The following ZNF44 variants were observed in gnomAD, a reference collection of about 807,000 sequenced individuals.
ZNF44 encodes the protein zinc finger protein 44, also known as gonadotropin inducible transcription repressor-2.
In ZNF44, 9 loss-of-function variants were observed where a neutral mutation model predicts 11.7. The observed-to-expected ratio is 0.77, with a 90% CI of 0.46 to 1.35. The LOEUF (loss-of-function observed/expected upper bound fraction) is 1.35, where lower values mean the gene tolerates loss of function less well. ZNF44 is among the 40% of genes most tolerant of loss of function. The pLI is 0.00. For synonymous variants in ZNF44, 224 were observed against 242.7 expected (o/e 0.92, Z 0.72); for missense variants, 696 against 743.1 (o/e 0.94, Z 0.74).
At position 12,263,617 on chromosome 19, in the gene ZNF44, C is replaced by CAAAAAACA. The variant is rs1273013220; in HGVS notation, c.1912+8862_1912+8869dup. Among the ~76,000 whole-genome samples, 30 of 151,734 alleles carry CAAAAAACA rather than the reference C, an allele frequency of 2.0e-4. No individual in the cohort carries two copies. The Middle Eastern group carries it at 0.01, about 52-fold the overall frequency. On this transcript the variant is annotated intron_variant and NMD_transcript_variant, in intron 5 of 7. Transcript: ENST00000393337. ...ATCAAAACCCTGTCTCTACAAAAAA[C>CAAAAAACA]AAAAAACAAAAAAACAAAAAAATTA...
chr19:12,233,416 C>G (rs1413335353), intron 2 of ZNF44, among the ~76,000 whole-genome samples: 1 of 152,034 alleles, frequency 6.6e-6, no homozygotes, highest in Non-Finnish European at 1.5e-5. Context: ...ATAGACTTCA[C>G]CAAAATAGTC....
downstream of ZNF44, among the ~76,000 whole-genome samples, chr19:12,268,556 G>A (rs1450870291): frequency 6.6e-6 from 1 of 152,006 alleles, no homozygotes; most frequent in Non-Finnish European, 1.5e-5. Flanking sequence ...TCAGAGCCAG[G>A]AGAAAATCTC....
Position 12,271,850 on chromosome 19 carries a change from A to G in ZNF44, c.*557T>C, listed in dbSNP as rs1226685371. The G allele has an allele frequency of 1.3e-5, 2 of 152,222 alleles. No individual in the cohort carries two copies. Among genetic ancestry groups the G allele is most frequent in the East Asian group, 3.8e-4 (2 of 5,198 alleles). The allele number at this position is 152,222 out of a possible 1,614,324, so 9.4% of individuals were successfully genotyped here. ...TATTTTAATTAATCTAGACATTTAT[A>G]GAGTATACAGGAGAATGTGGGTAGG... is the stretch of plus-strand genomic sequence containing the variant. On this transcript the variant is annotated 3_prime_UTR_variant, in exon 4 of 4. Coordinates refer to ENST00000355684, the MANE Select transcript of ZNF44 (RefSeq NM_016264.4).
intron 1 of ZNF44, among the ~76,000 whole-genome samples, chr19:12,285,878 G>A (rs1208039683): frequency 6.6e-6 from 1 of 151,918 alleles, no homozygotes; most frequent in African/African-American, 2.4e-5. Context: ...AATTAGCCAG[G>A]CGTGGTGGCG....
chr19:12,275,062 T>A lies in ZNF44; in HGVS notation c.131-29A>T, dbSNP rs756714178. On this transcript the variant is annotated intron_variant, in intron 2 of 3. Coordinates refer to ENST00000355684, the MANE Select transcript of ZNF44 (RefSeq NM_016264.4). ...AAAGAGAGATCCAGAAAATTCACTA[T>A]AAATTATTACAAAATGATACAAAAA... 2.6e-6 allele frequency: 4 copies of A among 1,512,980 alleles called. No individual in the cohort carries two copies. In the African/African-American group the frequency reaches 5.6e-5, roughly 21 times the overall value. 93.7% of individuals were successfully genotyped at this position (1,512,980 alleles called of 1,614,324 possible). A position where few individuals can be genotyped will look rare whatever the true frequency, so the allele number is the denominator to read the frequency against.
intron 5 of ZNF44, among the ~76,000 whole-genome samples, chr19:12,264,472 T>C (rs1273975126): frequency 6.6e-6 from 1 of 152,156 alleles, no homozygotes; most frequent in Admixed American, 6.5e-5. Context: ...ACCCAGTGTT[T>C]CAAGAATTCA....
At chr19:12,269,739 G>A (rs1481705975), downstream of ZNF44, among the ~76,000 whole-genome samples, 1 of 152,054 alleles carries the variant, frequency 6.6e-6, no homozygotes, top group East Asian at 1.9e-4. Context: ...AATTTGGATT[G>A]GATTTTCCCA....
At chr19:12,251,742 A>C (rs1170399022) in intron 5 of ZNF44, among the ~76,000 whole-genome samples, 1 of 152,100 alleles carries the variant, frequency 6.6e-6, no homozygotes, top group African/African-American at 2.4e-5. Context: ...GCTGACCTTG[A>C]GGAACAGGTT....
At chr19:12,243,253 CATTG>C (rs1452977742), downstream of ZNF44, among the ~76,000 whole-genome samples, 1 of 152,218 alleles carries the variant, frequency 6.6e-6, no homozygotes, top group Non-Finnish European at 1.5e-5. Flanking sequence ...CAAATTAACA[CATTG>C]ATGACCACCC....
At chr19:12,259,442 A>G (rs1371623320) in intron 5 of ZNF44, among the ~76,000 whole-genome samples, 4 of 152,174 alleles carry the variant, frequency 2.6e-5, no homozygotes, top group Non-Finnish European at 4.4e-5. Flanking sequence ...AGAGGCCAAA[A>G]ACCCAAGGAG....
downstream of ZNF44, among the ~76,000 whole-genome samples, chr19:12,266,890 A>T (rs1433006809): frequency 6.6e-6 from 1 of 152,124 alleles, no homozygotes; most frequent in Non-Finnish European, 1.5e-5. Context: ...CTCGTGCCTC[A>T]GAGCAGGAGG....
chr19:12,233,069 C>T (rs1568419377), intron 2 of ZNF44, among the ~76,000 whole-genome samples: 1 of 152,154 alleles, frequency 6.6e-6, no homozygotes, highest in African/African-American at 2.4e-5. Flanking sequence ...GTCAGCATGA[C>T]CATAAACCAC....
upstream of ZNF44, among the ~76,000 whole-genome samples, chr19:12,239,199 AC>A (rs1916514499): frequency 6.6e-6 from 1 of 151,022 alleles, no homozygotes; most frequent in African/African-American, 2.4e-5. Context: ...TGCAGCCCCC[AC>A]CTCCCGGGTT....
upstream of ZNF44, among the ~76,000 whole-genome samples, chr19:12,241,642 C>T (rs1395272166): frequency 1.3e-5 from 2 of 152,134 alleles, no homozygotes; most frequent in East Asian, 3.9e-4. Flanking sequence ...TTTCAGTGAG[C>T]CAAGATCGCA....
At chr19:12,238,755 C>T (rs771565426), upstream of ZNF44, among the ~76,000 whole-genome samples, 6 of 152,278 alleles carry the variant, frequency 3.9e-5, no homozygotes, top group Non-Finnish European at 7.4e-5. Flanking sequence ...GAGATCGTGC[C>T]ACTGCACTCC....
At chr19:12,238,503 C>G (rs925987438), upstream of ZNF44, among the ~76,000 whole-genome samples, 1 of 151,918 alleles carries the variant, frequency 6.6e-6, no homozygotes, top group Non-Finnish European at 1.5e-5. Flanking sequence ...TGGCACGTGC[C>G]TGTAGTCAGA....
intron 2 of ZNF44, 90 bp downstream of exon 2, chr19:12,275,866 C>G (rs534568888): frequency 4.9e-6 from 7 of 1,442,358 alleles, no homozygotes; most frequent in African/African-American, 4.3e-5. Context: ...AACTGTATCC[C>G]TTTTCCATAT....
exon 3 of ZNF44, chr19:12,230,468 TG>T (rs1916113422): frequency 1.3e-5 from 2 of 152,252 alleles, no homozygotes; most frequent in African/African-American, 4.8e-5. Flanking sequence ...ACCAGTCAGC[TG>T]GATTAGTGTC....
intron 5 of ZNF44, among the ~76,000 whole-genome samples, chr19:12,265,308 T>G (rs903759934): frequency 3.3e-5 from 5 of 151,960 alleles, no homozygotes; most frequent in Non-Finnish European, 7.4e-5. Context: ...TCGGTTGAGA[T>G]GGGGAGGTCG....
Sources: gnomAD v4.1 joint callset for allele counts (sites outside exome capture counted in the v4.1 genomes callset) on GRCh38, gnomAD v4.1.1 for gene constraint, MANE v1.5 for transcripts, NCBI Gene and HGNC (gene_info 2026-07-23, HGNC 2026-07-21) for gene names.